Variants in MSI2 observed in about 807,000 individuals in gnomAD.
MSI2 encodes musashi RNA binding protein 2, also known as RNA-binding protein Musashi homolog 2.
Under a neutral mutation model 45.6 loss-of-function variants are expected in MSI2, and 17 were observed. The observed-to-expected ratio is 0.37, with a 90% CI of 0.26 to 0.56. The LOEUF (loss-of-function observed/expected upper bound fraction) is 0.56, where lower values mean the gene tolerates loss of function less well. Among genes scored for constraint, MSI2 ranks in the 20% least tolerant of loss-of-function variants. The pLI is 0.77. For synonymous variants in MSI2, 156 were observed against 158.2 expected, an observed-to-expected ratio of 0.99 and a Z score of 0.11; for missense variants, 293 against 444.2, an observed-to-expected ratio of 0.66 and a Z score of 3.06.
intron 6 of MSI2, among the ~76,000 whole-genome samples, chr17:57,470,515 C>G (rs144245256): frequency 5.9e-5 from 9 of 152,290 alleles, no homozygotes; most frequent in Middle Eastern, 3.4e-3. Context: ...TGACCTCAGG[C>G]GATCTGCCCT....
At chr17:57,425,968 AT>A (rs901993469) in intron 6 of MSI2, among the ~76,000 whole-genome samples, 15 of 151,496 alleles carry the variant, frequency 9.9e-5, no homozygotes, top group African/African-American at 2.7e-4. Context: ...CATATGGAAC[AT>A]TTTTTTTTAA....
At chr17:57,632,234 G>A (rs900135857) in intron 10 of MSI2, 5 of 1,099,724 alleles carry the variant, frequency 4.5e-6, no homozygotes, top group Non-Finnish European at 5.5e-6. Flanking sequence ...TGAAGTGCTG[G>A]TGGTCCAGAG....
Position 57,631,895 on chromosome 17 carries a change from C to A in MSI2, c.727+4592C>A, listed in dbSNP as rs141514168. On this transcript the variant is annotated intron_variant, in intron 10 of 13. Transcript: ENST00000284073. ...TTTCTAGAGAGAGAGGACACAGTCC[C>A]GGCCTGGGCTGCCCCCGCTCCAGTC... 3,713 of 1,596,266 alleles carry A rather than the reference C, an allele frequency of 2.3e-3. 7 individuals carry two copies. Among genetic ancestry groups the A allele is most frequent in the Non-Finnish European group, 2.7e-3 (3,167 of 1,170,268 alleles).
chr17:57,381,932 A>G (rs756026981), intron 5 of MSI2, among the ~76,000 whole-genome samples: 7 of 152,232 alleles, frequency 4.6e-5, no homozygotes, highest in Admixed American at 2.0e-4. Context: ...ATACTTGAGC[A>G]CCACCAGTGC....
intron 11 of MSI2, among the ~76,000 whole-genome samples, chr17:57,664,384 G>C (rs554437771): frequency 6.6e-6 from 1 of 152,114 alleles, no homozygotes; most frequent in Non-Finnish European, 1.5e-5. Context: ...CAGGTGTGGC[G>C]GTGTGTGCCT....
At chr17:57,454,801 C>A (rs2085082122) in intron 6 of MSI2, among the ~76,000 whole-genome samples, 1 of 152,168 alleles carries the variant, frequency 6.6e-6, no homozygotes, top group Non-Finnish European at 1.5e-5. Context: ...TCTTCATAGG[C>A]AAGTAGTCCA....
intron 5 of MSI2, chr17:57,285,754 A>T (rs1272604549): frequency 9.2e-7 from 1 of 1,085,790 alleles, no homozygotes; most frequent in Non-Finnish European, 1.2e-6. Context: ...GTGTACATGG[A>T]ACTCTATTTT....
At chr17:57,429,567 C>T (rs2084556651) in intron 6 of MSI2, among the ~76,000 whole-genome samples, 1 of 152,116 alleles carries the variant, frequency 6.6e-6, no homozygotes, top group Non-Finnish European at 1.5e-5. Context: ...GAAGGTTGGC[C>T]TGGATGACCA....
At chr17:57,416,398 T>C (rs1234132899) in intron 6 of MSI2, among the ~76,000 whole-genome samples, 1 of 152,200 alleles carries the variant, frequency 6.6e-6, no homozygotes, top group African/African-American at 2.4e-5. Context: ...ATTTCTTGCA[T>C]ATGACTTGAA....
chr17:57,490,734 T>C (rs573181867), intron 6 of MSI2, among the ~76,000 whole-genome samples: 1 of 152,356 alleles, frequency 6.6e-6, no homozygotes, highest in African/African-American at 2.4e-5. Flanking sequence ...GCCCTGATGT[T>C]TTTTTCTGTG....
At chr17:57,645,625 A>G (rs1211312664) in intron 10 of MSI2, among the ~76,000 whole-genome samples, 2 of 150,698 alleles carry the variant, frequency 1.3e-5, no homozygotes, top group East Asian at 1.9e-4. Context: ...TATTTTTAGT[A>G]GAGACAGGGT....
chr17:57,698,938 T>TGTGTGA, the MSI2 span, among the ~76,000 whole-genome samples: 1 of 125,908 alleles, frequency 7.9e-6, no homozygotes, highest in Admixed American at 8.3e-5. Flanking sequence ...TGTGTGTGTG[T>TGTGTGA]GTGAAGGTGA....
intron 6 of MSI2, among the ~76,000 whole-genome samples, chr17:57,466,188 G>A (rs2085327251): frequency 6.6e-6 from 1 of 152,178 alleles, no homozygotes. Flanking sequence ...TGGACCCAAC[G>A]TTTAGTGGCA....
At chr17:57,338,209 C>T (rs1026181297) in intron 5 of MSI2, among the ~76,000 whole-genome samples, 1 of 152,090 alleles carries the variant, frequency 6.6e-6, no homozygotes, top group African/African-American at 2.4e-5. Flanking sequence ...CCTCCTCAGC[C>T]TCCTGAGTAG....
intron 4 of MSI2, among the ~76,000 whole-genome samples, chr17:57,259,142 C>G (rs2143157778): frequency 6.6e-6 from 1 of 151,862 alleles, no homozygotes; most frequent in South Asian, 2.1e-4. Context: ...TTTATTTAGC[C>G]CCTGTGTGGG....
At chr17:57,646,162 G>A (rs1910641089) in intron 10 of MSI2, among the ~76,000 whole-genome samples, 1 of 152,218 alleles carries the variant, frequency 6.6e-6, no homozygotes, top group Non-Finnish European at 1.5e-5. Context: ...AGTGGGACAT[G>A]TGACTGAGTC....
intron 5 of MSI2, among the ~76,000 whole-genome samples, chr17:57,361,625 GA>G (rs1338952632): frequency 6.0e-5 from 9 of 150,714 alleles, no homozygotes; most frequent in Middle Eastern, 3.4e-3. Flanking sequence ...AAAAAAAAAG[GA>G]AAATCATAAG....
At chr17:57,285,575 A>G (rs189141252) in intron 5 of MSI2, among the ~76,000 whole-genome samples, 3 of 152,324 alleles carry the variant, frequency 2.0e-5, no homozygotes, top group East Asian at 1.9e-4. Flanking sequence ...GCCCAGCTGC[A>G]TGTTATTAGC....
intron 6 of MSI2, among the ~76,000 whole-genome samples, chr17:57,473,693 T>C (rs529018338): frequency 1.3e-5 from 2 of 152,262 alleles, no homozygotes; most frequent in Admixed American, 1.3e-4. Context: ...AGGATGGGGC[T>C]CTTCGAGAAC....
Sources: allele counts gnomAD v4.1 joint callset (sites outside exome capture counted in the v4.1 genomes callset), GRCh38; gene constraint gnomAD v4.1.1; transcripts MANE v1.5; gene names NCBI Gene and HGNC (gene_info 2026-07-23, HGNC 2026-07-21).